Variants in NSMAF observed in about 807,000 individuals in gnomAD.
NSMAF encodes the protein protein FAN.
A neutral mutation model predicts 134.9 loss-of-function variants in NSMAF; 90 were observed. The observed-to-expected ratio is 0.67, with a 90% confidence interval of 0.56 to 0.79. The LOEUF (loss-of-function observed/expected upper bound fraction) is 0.79. NSMAF is among the 30% of genes least tolerant of loss of function. The probability of loss-of-function intolerance (pLI) is 0.00; values close to 1 mark genes in which losing one functional copy is unlikely to be tolerated. For synonymous variants in NSMAF, 358 were observed against 389.6 expected (o/e 0.92, Z 0.96); for missense variants, 1,010 against 1,119.0 (o/e 0.90, Z 1.39).
At chr8:58,634,555 T>C (rs1397247023) in intron 5 of NSMAF, among the ~76,000 whole-genome samples, 2 of 152,220 alleles carry the variant, frequency 1.3e-5, no homozygotes, top group African/African-American at 4.8e-5. Flanking sequence ...CAAGGCAACA[T>C]CTGCTAACCC....
intron 1 of NSMAF, among the ~76,000 whole-genome samples, chr8:58,650,140 T>A (rs1807550962): frequency 1.3e-5 from 2 of 152,240 alleles, no homozygotes; most frequent in Non-Finnish European, 2.9e-5. Context: ...CCTCTTTCAG[T>A]CTGAAGATTA....
chr8:58,587,718 T>G lies in NSMAF; in HGVS notation c.2212-17A>C. 1 of 1,605,744 alleles carries G rather than the reference T, an allele frequency of 6.2e-7. No homozygotes were observed. The highest frequency in any genetic ancestry group is 8.5e-7 in the Non-Finnish European group (1 of 1,174,762). On this transcript the variant is annotated splice_polypyrimidine_tract_variant and intron_variant, in intron 26 of 30. Transcript: ENST00000038176. ...AGACCACACCTAGGATGGAACATAT[T>G]GCAGAAGGTATTTTCAAACATTTAA...
At chr8:58,589,381 T>C in intron 26 of NSMAF, 71 bp downstream of exon 26, 2 of 1,270,364 alleles carry the variant, frequency 1.6e-6, no homozygotes, top group Non-Finnish European at 2.1e-6. Context: ...GTATGTACAT[T>C]TTAAGCTAAA....
At chr8:58,627,905 CAA>C (rs1806972809) in intron 6 of NSMAF, among the ~76,000 whole-genome samples, 1 of 152,022 alleles carries the variant, frequency 6.6e-6, no homozygotes, top group South Asian at 2.1e-4. Context: ...CATATGGCAC[CAA>C]AAAAGAGCCC....
intron 13 of NSMAF, among the ~76,000 whole-genome samples, chr8:58,602,367 C>T (rs990223050): frequency 6.6e-6 from 1 of 151,956 alleles, no homozygotes; most frequent in Non-Finnish European, 1.5e-5. Flanking sequence ...TTGACAATGC[C>T]CTGAACATTA....
At chr8:58,659,402 CG>C in intron 1 of NSMAF, 170 bp downstream of exon 1, 1 of 1,515,158 alleles carries the variant, frequency 6.6e-7, no homozygotes, top group East Asian at 2.7e-5. Context: ...CCTCTCACCC[CG>C]ACCTCAGGTT....
chr8:58,639,007 G>A (rs1485450257), intron 2 of NSMAF, among the ~76,000 whole-genome samples: 5 of 152,010 alleles, frequency 3.3e-5, no homozygotes, highest in Non-Finnish European at 7.4e-5. Flanking sequence ...ACAAATGGGT[G>A]GGTGTGGTGG....
chr8:58,620,526 T>C (rs1438125389), intron 9 of NSMAF, among the ~76,000 whole-genome samples: 1 of 152,252 alleles, frequency 6.6e-6, no homozygotes, highest in Non-Finnish European at 1.5e-5. Flanking sequence ...ATTTTATTTA[T>C]ATTTTTAATG....
At chr8:58,644,209 T>C (rs1228825612) in intron 1 of NSMAF, among the ~76,000 whole-genome samples, 1 of 152,214 alleles carries the variant, frequency 6.6e-6, no homozygotes, top group African/African-American at 2.4e-5. Context: ...ACATATATGT[T>C]TATTTCACTG....
chr8:58,627,499 A>C (rs1321151719), intron 6 of NSMAF, among the ~76,000 whole-genome samples: 1 of 152,224 alleles, frequency 6.6e-6, no homozygotes, highest in African/African-American at 2.4e-5. Context: ...CTAATAAATG[A>C]ATTCAGTAAA....
intron 5 of NSMAF, among the ~76,000 whole-genome samples, chr8:58,633,506 T>C (rs1352284479): frequency 2.0e-5 from 3 of 152,234 alleles, no homozygotes; most frequent in Non-Finnish European, 4.4e-5. Flanking sequence ...CTTCATAGCA[T>C]TTGTTACCAC....
chr8:58,609,196 A>C (rs982684096), intron 10 of NSMAF, among the ~76,000 whole-genome samples: 2 of 152,246 alleles, frequency 1.3e-5, no homozygotes, highest in African/African-American at 4.8e-5. Context: ...ATTAAGAAGA[A>C]GCAAGAAATA....
Position 58,602,091 on chromosome 8 carries a change from C to A in NSMAF, c.1092G>T (p.Gly364=), listed in dbSNP as rs774591362. The A allele has an allele frequency of 5.6e-6, 9 of 1,613,494 alleles. No homozygotes were observed. In the Admixed American group the frequency reaches 1.0e-4, roughly 18 times the overall value. The change falls in exon 14 of 31, where the codon GGG becomes GGT. Residue 364 remains glycine, a synonymous_variant. Transcript: ENST00000038176. ...GTFRDLSKPV[G]ALNKERLERL... ...TCTCCAGCCGTTCCTTATTTAGGGC[C>A]CCTACTGGCTTACTGAGATCCCGGA...
Position 58,584,189 on chromosome 8 carries a change from A to C in NSMAF, c.2671T>G (p.Cys891Gly). Residue 891 changes from cysteine to glycine, a missense_variant, in exon 31 of 31, where the codon TGT (cysteine) becomes GGT (glycine). Cys to Gly is a radical substitution (Grantham distance 159). Transcript: ENST00000038176. ...CTACACTGTTCATTCATCCATATACATGTCACAGCACCTGAGAGAAAGACA... is the reference window on the plus strand; with the variant it reads ...CTACACTGTTCATTCATCCATATACCTGTCACAGCACCTGAGAGAAAGACA... ...RIQGHTGAVT[C>G]IWMNEQCSSI... The C allele has an allele frequency of 1.2e-6, 2 of 1,612,744 alleles. No homozygotes were observed. The highest frequency in any genetic ancestry group is 1.7e-6 in the Non-Finnish European group (2 of 1,179,084).
Position 58,584,212 on chromosome 8 carries a change from A to G in NSMAF, c.2660-12T>C, listed in dbSNP as rs767559889. The G allele has an allele frequency of 6.2e-7, 1 of 1,608,088 alleles. No homozygotes were observed. Among genetic ancestry groups the G allele is most frequent in the Non-Finnish European group, 8.5e-7 (1 of 1,175,194 alleles). ...ACATGTCACAGCACCTGAGAGAAAG[A>G]CATTTTGGTTAGTTAGGAAGTTGAC... On this transcript the variant is annotated splice_polypyrimidine_tract_variant and intron_variant, in intron 30 of 30. Coordinates refer to ENST00000038176, the MANE Select transcript of NSMAF (RefSeq NM_003580.4).
intron 27 of NSMAF, among the ~76,000 whole-genome samples, chr8:58,587,038 T>C (rs926170868): frequency 3.3e-5 from 5 of 152,174 alleles, no homozygotes; most frequent in Admixed American, 3.3e-4. Flanking sequence ...ACTAAATATT[T>C]CTCAAACTCA....
At chr8:58,589,368 T>C (rs1200383641) in intron 26 of NSMAF, 84 bp downstream of exon 26, 1 of 1,124,796 alleles carries the variant, frequency 8.9e-7, no homozygotes, top group Non-Finnish European at 1.2e-6. Context: ...GCTTATAATA[T>C]CTGTATGTAC....
chr8:58,653,281 G>A (rs1199001187), intron 1 of NSMAF, among the ~76,000 whole-genome samples: 2 of 152,104 alleles, frequency 1.3e-5, no homozygotes, highest in African/African-American at 4.8e-5. Context: ...TCCAAAGGAA[G>A]AAGGGAAGGA....
intron 9 of NSMAF, among the ~76,000 whole-genome samples, chr8:58,610,425 C>CA: frequency 6.6e-6 from 1 of 152,116 alleles, no homozygotes; most frequent in East Asian, 1.9e-4. Flanking sequence ...AGTGACAGGA[C>CA]AAAAAGATAC....
Sources: gnomAD v4.1 joint callset for allele counts (sites outside exome capture counted in the v4.1 genomes callset) on GRCh38, gnomAD v4.1.1 for gene constraint, MANE v1.5 for transcripts, NCBI Gene and HGNC (gene_info 2026-07-23, HGNC 2026-07-21) for gene names.